The following ABTB2 variants were observed in gnomAD, a reference collection of about 807,000 sequenced individuals.
The protein encoded by ABTB2 is ankyrin repeat and BTB domain containing 2.
In ABTB2, 56 loss-of-function variants were observed where a neutral mutation model predicts 104.1. That is an observed-to-expected ratio of 0.54 (90% CI 0.43 to 0.67). The LOEUF is 0.67. ABTB2 is among the 30% of genes least tolerant of loss of function. The pLI, the probability that ABTB2 is intolerant of heterozygous loss-of-function variation, is 0.00. For synonymous variants in ABTB2, 606 were observed against 608.2 expected, an observed-to-expected ratio of 1.00 and a Z score of 0.05; for missense variants, 1,279 against 1,407.7, an observed-to-expected ratio of 0.91 and a Z score of 1.46.
intron 1 of ABTB2, among the ~76,000 whole-genome samples, chr11:34,282,972 G>C (rs1029255199): frequency 2.7e-5 from 4 of 150,934 alleles, no homozygotes; most frequent in Non-Finnish European, 4.4e-5. Flanking sequence ...GCAGTGGCAC[G>C]ATCTCGGCTC....
chr11:34,161,643 C>G (rs1361604740), intron 10 of ABTB2, among the ~76,000 whole-genome samples: 2 of 152,126 alleles, frequency 1.3e-5, no homozygotes, highest in Admixed American at 1.3e-4. Flanking sequence ...CTGCACATCC[C>G]CAGGCACATA....
intron 1 of ABTB2, among the ~76,000 whole-genome samples, chr11:34,289,429 A>G (rs750618984): frequency 6.6e-6 from 1 of 152,160 alleles, no homozygotes; most frequent in Non-Finnish European, 1.5e-5. Context: ...CTTGACCTAC[A>G]TTGTTTTATT....
chr11:34,356,746 C>T lies in ABTB2; in HGVS notation c.838G>A (p.Val280Ile), dbSNP rs1229001961. ...ATGAGATGCTCATAGGGCTGCAAGACGCCCCAGAGCTCGGCGTCGTTGTTG... is the reference window on the plus strand; with the variant it reads ...ATGAGATGCTCATAGGGCTGCAAGATGCCCCAGAGCTCGGCGTCGTTGTTG... ...VINNDAELWGVLQPYEHLICG... is the reference protein window; with the variant it reads ...VINNDAELWGILQPYEHLICG... Residue 280 changes from valine to isoleucine, a missense_variant, in exon 1 of 17, where the codon GTC becomes ATC. Physicochemically the swap from Val to Ile is conservative, Grantham distance 29 (BLOSUM62 3). Coordinates refer to ENST00000435224, the MANE Select transcript of ABTB2 (RefSeq NM_145804.3). The surrounding 1 kb of genome is among the most constrained non-coding windows in gnomAD (Gnocchi z 4.6). 1 of 1,610,514 alleles carries T rather than the reference C, an allele frequency of 6.2e-7. No homozygotes were observed. Among genetic ancestry groups the T allele is most frequent in the Admixed American group, 1.7e-5 (1 of 59,846 alleles).
rs1852709747 is a variant in ABTB2, at chr11:34,160,911, T to C, written c.2389A>G (p.Thr797Ala). Residue 797 changes from threonine (T) to alanine (A), a missense_variant, in exon 11 of 17, where the codon ACC becomes GCC. Physicochemically the swap from Thr to Ala is moderately conservative, Grantham distance 58. Transcript: ENST00000435224. The part of the protein sequence containing the change: ...GLQLMFDILK[T>A]SKNDSVIQQL... ...CCACTGGCCACACTTACTTTGCTGGTCTTGAGGATGTCGAACATGAGCTGC... is the reference window on the plus strand; with the variant it reads ...CCACTGGCCACACTTACTTTGCTGGCCTTGAGGATGTCGAACATGAGCTGC... 1 of 1,607,376 alleles carries C rather than the reference T, an allele frequency of 6.2e-7. No individual in the cohort carries two copies.
Position 34,204,161 on chromosome 11 carries a change from C to A in ABTB2, c.1030+383G>T, listed in dbSNP as rs531635529. Among the ~76,000 whole-genome samples the A allele has an allele frequency of 1.3e-4, 20 of 152,082 alleles. No homozygotes were observed. In the South Asian group the frequency reaches 1.5e-3, roughly 11 times the overall value. On this transcript the variant is annotated intron_variant, in intron 2 of 16. Coordinates refer to ENST00000435224, the MANE Select transcript of ABTB2 (RefSeq NM_145804.3). ...GTGTGCTTTCTTTCGAGAAAGAGCA[C>A]CAGTTGTGAATTCAGAGCCTGTGGG...
At chr11:34,339,913 T>C (rs577890355) in intron 1 of ABTB2, among the ~76,000 whole-genome samples, 197 of 152,292 alleles carry the variant, frequency 1.3e-3, no homozygotes, top group African/African-American at 4.3e-3. Flanking sequence ...GGGTGGTGCT[T>C]GTTAGCTTGT....
intron 11 of ABTB2, 141 bp downstream of exon 11, chr11:34,160,762 T>C (rs1477722824): frequency 4.9e-6 from 4 of 821,484 alleles, no homozygotes; most frequent in Non-Finnish European, 7.2e-6. Flanking sequence ...CCCTGGGTGC[T>C]GAGGGCAGGC....
intron 1 of ABTB2, among the ~76,000 whole-genome samples, chr11:34,282,418 A>G (rs1185141251): frequency 6.6e-6 from 1 of 152,250 alleles, no homozygotes; most frequent in Non-Finnish European, 1.5e-5. Context: ...AAATAGTATT[A>G]AAAGTGAGAT....
At chr11:34,227,023 C>T (rs971822114) in intron 1 of ABTB2, among the ~76,000 whole-genome samples, 1 of 152,150 alleles carries the variant, frequency 6.6e-6, no homozygotes, top group African/African-American at 2.4e-5. Context: ...GATGGCACCA[C>T]TGCCCTCCAG....
intron 1 of ABTB2, chr11:34,335,844 T>C: frequency 8.1e-7 from 1 of 1,232,600 alleles, no homozygotes; most frequent in South Asian, 1.2e-5. Context: ...GCCACACCTT[T>C]TGAGAGCATA....
intron 3 of ABTB2, 135 bp downstream of exon 3, chr11:34,197,190 C>T (rs917807166): frequency 1.0e-6 from 1 of 980,070 alleles, no homozygotes; most frequent in Non-Finnish European, 1.6e-6. Flanking sequence ...CCTGGGCCAC[C>T]TCCTCACAGG....
intron 9 of ABTB2, 94 bp downstream of exon 9, chr11:34,164,592 C>T: frequency 7.4e-7 from 1 of 1,348,494 alleles, no homozygotes; most frequent in Non-Finnish European, 9.5e-7. Flanking sequence ...GGTCTCCGGG[C>T]CTAGCTCTTT....
At chr11:34,177,528 G>A (rs1307476999) in intron 3 of ABTB2, among the ~76,000 whole-genome samples, 1 of 152,138 alleles carries the variant, frequency 6.6e-6, no homozygotes, top group African/African-American at 2.4e-5. Flanking sequence ...GTCTGTTTTT[G>A]CTAGCAAACC....
At position 34,189,964 on chromosome 11, in the gene ABTB2, C is replaced by T. The variant is rs557457836; in HGVS notation, c.1244+7361G>A. On this transcript the variant is annotated intron_variant, in intron 3 of 16. Coordinates refer to ENST00000435224, the MANE Select transcript of ABTB2 (RefSeq NM_145804.3). ...CCTATTAAGAAGAGACTGGGCTGGC[C>T]GCAAGTGGCTCATGCCTGTAATCTC... is the stretch of plus-strand genomic sequence containing the variant. Among the ~76,000 whole-genome samples the T allele has an allele frequency of 9.2e-5, 14 of 152,254 alleles. No individual in the cohort carries two copies. The South Asian group carries it at 2.7e-3, about 29-fold the overall frequency.
chr11:34,260,220 C>T (rs1854172339), intron 1 of ABTB2, among the ~76,000 whole-genome samples: 1 of 152,226 alleles, frequency 6.6e-6, no homozygotes, highest in African/African-American at 2.4e-5. Context: ...CCGTTCAGCG[C>T]TTGGAGGCTT....
At chr11:34,152,699 C>G in intron 16 of ABTB2, 115 bp from the exon 17 acceptor site, 2 of 1,041,008 alleles carry the variant, frequency 1.9e-6, no homozygotes, top group Non-Finnish European at 2.8e-6. Context: ...CCACTCTGGC[C>G]AGGGTAGGCG....
Position 34,154,616 on chromosome 11 carries a change from C to T in ABTB2, c.2766+85G>A. The stretch of plus-strand genomic sequence containing the variant: ...CTTCCTGTCAGATGGAGAGGAAGAG[C>T]CACCTTCCCTCTGAAGGGGGTGAAT... On this transcript the variant is annotated intron_variant, in intron 15 of 16. Transcript: ENST00000435224. This position sits in a 1 kb window ranked among gnomAD's most constrained non-coding sequence, Gnocchi z 4.9. The T allele has an allele frequency of 7.3e-7, 1 of 1,368,550 alleles. No homozygotes were observed. Among genetic ancestry groups the T allele is most frequent in the Non-Finnish European group, 1.0e-6 (1 of 967,192 alleles). The allele number at this position is 1,368,550 out of a possible 1,614,324, so 84.8% of individuals were successfully genotyped here. A position where few individuals can be genotyped will look rare whatever the true frequency, so the allele number is the denominator to read the frequency against.
intron 1 of ABTB2, among the ~76,000 whole-genome samples, chr11:34,208,932 G>A (rs1258937063): frequency 6.6e-6 from 1 of 151,982 alleles, no homozygotes; most frequent in African/African-American, 2.4e-5. Context: ...CCTGCCTCCA[G>A]GCTTACCCCC....
chr11:34,304,572 C>T (rs182329832), intron 1 of ABTB2, among the ~76,000 whole-genome samples: 1 of 152,254 alleles, frequency 6.6e-6, no homozygotes, highest in Admixed American at 6.5e-5. Context: ...TGTAATCCAA[C>T]ACTTCAGGAA....
Sources: gnomAD v4.1 joint callset for allele counts (sites outside exome capture counted in the v4.1 genomes callset) on GRCh38, gnomAD v4.1.1 for gene constraint, Gnocchi (gnomAD v3.1) non-coding constraint, MANE v1.5 for transcripts, NCBI Gene and HGNC (gene_info 2026-07-23, HGNC 2026-07-21) for gene names.